Variants in RGS7 observed in about 807,000 individuals in gnomAD.
RGS7 encodes the protein regulator of G protein signaling 7, also known as regulator of G-protein signaling 7.
In RGS7, 27 loss-of-function variants were observed where a neutral mutation model predicts 81.1. The ratio of observed to expected loss-of-function variants is 0.33; its 90% CI spans 0.25 to 0.46. The LOEUF (loss-of-function observed/expected upper bound fraction) is 0.46. Ranked by LOEUF, RGS7 falls within the 20% of genes least tolerant of loss-of-function variation. The pLI, the probability that RGS7 is intolerant of heterozygous loss-of-function variation, is 1.00. For missense variants in RGS7, 396 were observed against 607.4 expected, an observed-to-expected ratio of 0.65 and a Z score of 3.66; for synonymous variants, 208 against 207.7, an observed-to-expected ratio of 1.00 and a Z score of -0.01.
intron 2 of RGS7, among the ~76,000 whole-genome samples, chr1:241,329,316 A>G (rs2081819378): frequency 6.6e-6 from 1 of 152,200 alleles, no homozygotes; most frequent in South Asian, 2.1e-4. Flanking sequence ...CTATCATTAG[A>G]AAAGTGAGAA....
intron 3 of RGS7, among the ~76,000 whole-genome samples, chr1:241,001,766 T>C (rs1284967893): frequency 6.6e-6 from 1 of 152,124 alleles, no homozygotes; most frequent in Non-Finnish European, 1.5e-5. Flanking sequence ...AGATCACTGG[T>C]TGTCAGGGGT....
chr1:240,876,346 A>G (rs994424337), intron 6 of RGS7, among the ~76,000 whole-genome samples: 5 of 152,126 alleles, frequency 3.3e-5, no homozygotes, highest in African/African-American at 1.2e-4. Flanking sequence ...CCAACATCCT[A>G]TGGATTCCAG....
intron 3 of RGS7, among the ~76,000 whole-genome samples, chr1:241,025,400 C>T (rs1272000626): frequency 6.6e-6 from 1 of 152,154 alleles, no homozygotes; most frequent in East Asian, 1.9e-4. Flanking sequence ...TAGATATTAT[C>T]ATTATCTCTG....
Position 240,812,022 on chromosome 1 carries a change from C to T in RGS7, c.978G>A (p.Arg326=). The T allele has an allele frequency of 6.2e-7, 1 of 1,614,140 alleles. No homozygotes were observed. Among genetic ancestry groups the T allele is most frequent in the Non-Finnish European group, 8.5e-7 (1 of 1,180,012 alleles). ...CCATGCCAAAACCCCATCGTTTTAC[C>T]CTCTGCTGGCTCGGTTCTTTGCTAT... ...LEASKEPSQQ[R]VKRWGFGMDE... is the part of the protein sequence containing the mutation. Residue 326 remains arginine, a synonymous_variant, in exon 14 of 19, where the codon AGG becomes AGA. Transcript: ENST00000440928.
chr1:240,826,698 T>C (rs776631986), intron 10 of RGS7, among the ~76,000 whole-genome samples: 17 of 152,130 alleles, frequency 1.1e-4, no homozygotes, highest in Non-Finnish European at 1.9e-4. Flanking sequence ...TTCTCTCAGA[T>C]AACAAACACT....
intron 3 of RGS7, among the ~76,000 whole-genome samples, chr1:241,027,245 AT>A (rs1395479977): frequency 1.4e-4 from 21 of 151,880 alleles, no homozygotes; most frequent in African/African-American, 4.8e-4. Flanking sequence ...AAGAAGGTTC[AT>A]GTGGAGTGTG....
At chr1:241,180,124 CAG>C (rs2071482415) in intron 2 of RGS7, among the ~76,000 whole-genome samples, 2 of 152,106 alleles carry the variant, frequency 1.3e-5, no homozygotes, top group African/African-American at 4.8e-5. Flanking sequence ...CCTGTCATCC[CAG>C]CACTTTGGGA....
intron 6 of RGS7, among the ~76,000 whole-genome samples, chr1:240,891,914 T>C (rs1437714863): frequency 1.3e-5 from 2 of 152,052 alleles, no homozygotes; most frequent in African/African-American, 4.8e-5. Context: ...TGGAAAAGGG[T>C]TGGCGAAAGT....
At chr1:240,874,009 T>C (rs1198269989) in intron 6 of RGS7, among the ~76,000 whole-genome samples, 2 of 152,162 alleles carry the variant, frequency 1.3e-5, no homozygotes, top group African/African-American at 4.8e-5. Context: ...TGAGAGATGA[T>C]TGGGTCATGA....
At chr1:240,866,986 T>A (rs141373927) in intron 9 of RGS7, among the ~76,000 whole-genome samples, 2,513 of 152,258 alleles carry the variant, frequency 0.017, 28 homozygotes, top group Non-Finnish European at 0.023. Flanking sequence ...CATAACACAT[T>A]GACTGGTTTC....
intron 2 of RGS7, among the ~76,000 whole-genome samples, chr1:241,104,089 A>C (rs1445600490): frequency 6.6e-6 from 1 of 152,178 alleles, no homozygotes; most frequent in Non-Finnish European, 1.5e-5. Context: ...CATCTGTAAA[A>C]TGGAGATAAT....
chr1:240,866,069 A>C (rs1486425716), intron 9 of RGS7, among the ~76,000 whole-genome samples: 1 of 152,228 alleles, frequency 6.6e-6, no homozygotes, highest in African/African-American at 2.4e-5. Flanking sequence ...AAATGTTTAA[A>C]TTTTTAAAAT....
chr1:241,294,225 G>A (rs1404433205), intron 2 of RGS7, among the ~76,000 whole-genome samples: 1 of 151,976 alleles, frequency 6.6e-6, no homozygotes, highest in African/African-American at 2.4e-5. Flanking sequence ...TCACTCATAA[G>A]TAGGAGTTGA....
At chr1:241,315,409 G>A (rs1236857603) in intron 2 of RGS7, among the ~76,000 whole-genome samples, 2 of 151,564 alleles carry the variant, frequency 1.3e-5, no homozygotes, top group Non-Finnish European at 2.9e-5. Context: ...CAGAATAGGG[G>A]GAAAATACAT....
intron 2 of RGS7, among the ~76,000 whole-genome samples, chr1:241,118,265 C>A (rs1339077692): frequency 6.6e-6 from 1 of 152,164 alleles, no homozygotes; most frequent in Non-Finnish European, 1.5e-5. Flanking sequence ...CAAGTTTCCA[C>A]CCAATTAAAC....
chr1:241,151,780 T>C (rs1210128454), intron 2 of RGS7, among the ~76,000 whole-genome samples: 1 of 152,026 alleles, frequency 6.6e-6, no homozygotes, highest in African/African-American at 2.4e-5. Context: ...CACTATAGGA[T>C]AAAGTTTGCA....
At chr1:241,169,029 A>G (rs576596772) in intron 2 of RGS7, among the ~76,000 whole-genome samples, 10 of 152,300 alleles carry the variant, frequency 6.6e-5, no homozygotes, top group African/African-American at 2.2e-4. Context: ...TAAACAGAGG[A>G]CATAAACTGT....
intron 2 of RGS7, among the ~76,000 whole-genome samples, chr1:241,219,555 A>C (rs1400609482): frequency 6.6e-6 from 1 of 152,148 alleles, no homozygotes; most frequent in Non-Finnish European, 1.5e-5. Flanking sequence ...TCACAGTCTG[A>C]GATGGTCAGA....
chr1:240,932,984 C>G (rs1435374943), intron 5 of RGS7, among the ~76,000 whole-genome samples: 1 of 132,092 alleles, frequency 7.6e-6, no homozygotes, highest in Non-Finnish European at 1.7e-5. Context: ...CCCGGGTTCA[C>G]GCCATTCTCC....
Sources: gnomAD v4.1 joint callset for allele counts (sites outside exome capture counted in the v4.1 genomes callset) on GRCh38, gnomAD v4.1.1 for gene constraint, MANE v1.5 for transcripts, NCBI Gene and HGNC (gene_info 2026-07-23, HGNC 2026-07-21) for gene names.